Variants in DLG1 observed in about 807,000 individuals in gnomAD.
DLG1 encodes disks large homolog 1.
Under a neutral mutation model 123.4 loss-of-function variants are expected in DLG1, and 42 were observed. The observed-to-expected ratio is 0.34, with a 90% confidence interval of 0.27 to 0.44. The LOEUF (loss-of-function observed/expected upper bound fraction) is 0.44, where lower values mean the gene tolerates loss of function less well. Ranked by LOEUF, DLG1 falls within the 20% of genes least tolerant of loss-of-function variation. The pLI, the probability that DLG1 is intolerant of heterozygous loss-of-function variation, is 1.00. For missense variants in DLG1, 942 were observed against 1,082.6 expected (o/e 0.87, Z 1.82); for synonymous variants, 317 against 356.2 (o/e 0.89, Z 1.24).
Position 197,210,014 on chromosome 3 carries a change from A to C in DLG1, c.319-15425T>G, listed in dbSNP as rs1248148919. ...TCATTTGGAAATTTTCTGGACTTTT[A>C]TCTCTCCCATGGCTGATTTTAATCT... On this transcript the variant is annotated intron_variant, in intron 4 of 24. Transcript: ENST00000667157. Among the ~76,000 whole-genome samples, 4 of 146,212 alleles carry C rather than the reference A, an allele frequency of 2.7e-5. 1 individual carries two copies. The highest frequency in any genetic ancestry group is 9.7e-5 in the African/African-American group (4 of 41,130).
intron 4 of DLG1, among the ~76,000 whole-genome samples, chr3:197,209,486 T>C (rs1730255675): frequency 6.8e-6 from 1 of 146,642 alleles, no homozygotes. Flanking sequence ...ACTATACAAA[T>C]ATAAGACAAA....
chr3:197,050,095 C>T (rs1419622390), intron 24 of DLG1, among the ~76,000 whole-genome samples: 5 of 151,576 alleles, frequency 3.3e-5, no homozygotes, highest in East Asian at 2.0e-4. Context: ...AGGCCGGGCA[C>T]GGTGGCTCAC....
intron 3 of DLG1, among the ~76,000 whole-genome samples, chr3:197,288,238 C>T (rs1772792209): frequency 1.3e-5 from 2 of 151,652 alleles, no homozygotes; most frequent in Non-Finnish European, 2.9e-5. Context: ...GTGGCGCACG[C>T]CTGTAATCCC....
At chr3:197,169,108 T>A (rs918207399) in intron 5 of DLG1, among the ~76,000 whole-genome samples, 1 of 152,174 alleles carries the variant, frequency 6.6e-6, no homozygotes, top group African/African-American at 2.4e-5. Flanking sequence ...TAAAACAGAT[T>A]TTCATAAAGT....
chr3:197,069,808 A>C (rs1011004017), intron 18 of DLG1: 1 of 152,256 alleles, frequency 6.6e-6, no homozygotes, highest in African/African-American at 2.4e-5. Flanking sequence ...CAGATGTCTC[A>C]GCTGGAAGGG....
intron 5 of DLG1, among the ~76,000 whole-genome samples, chr3:197,192,252 C>T (rs1006328632): frequency 6.6e-6 from 1 of 151,904 alleles, no homozygotes; most frequent in Admixed American, 6.6e-5. Flanking sequence ...AAGTAACTCA[C>T]GAGGCTAACA....
chr3:197,070,564 C>CTTTT (rs1491200833), intron 18 of DLG1: 3 of 44,926 alleles, frequency 6.7e-5, no homozygotes, highest in African/African-American at 1.3e-4. Flanking sequence ...CTGGAAATTT[C>CTTTT]ATTTTTTTTT....
intron 11 of DLG1, among the ~76,000 whole-genome samples, chr3:197,121,655 T>C (rs1776437393): frequency 6.6e-6 from 1 of 151,984 alleles, no homozygotes; most frequent in Non-Finnish European, 1.5e-5. Flanking sequence ...GCTCTTTATC[T>C]TCTATAGTTC....
At chr3:197,204,314 A>T (rs113318237) in intron 4 of DLG1, among the ~76,000 whole-genome samples, 16 of 152,316 alleles carry the variant, frequency 1.1e-4, no homozygotes, top group African/African-American at 3.8e-4. Flanking sequence ...ATCCTATAAC[A>T]ATTGATATTA....
At chr3:197,116,781 G>A (rs1040549622) in intron 12 of DLG1, among the ~76,000 whole-genome samples, 4 of 152,098 alleles carry the variant, frequency 2.6e-5, no homozygotes, top group East Asian at 1.9e-4. Context: ...AGAGTATACC[G>A]AAGACACCAC....
intron 4 of DLG1, chr3:197,226,322 G>A (rs1739909986): frequency 6.6e-6 from 1 of 152,166 alleles, no homozygotes; most frequent in Non-Finnish European, 1.5e-5. Context: ...ACTTGCTGCA[G>A]TACAAGCTCT....
chr3:197,139,994 T>A, intron 8 of DLG1, 146 bp downstream of exon 8: 1 of 761,844 alleles, frequency 1.3e-6, no homozygotes, highest in Non-Finnish European at 2.0e-6. Flanking sequence ...AATTATCTCA[T>A]TCATTGACTT....
intron 5 of DLG1, among the ~76,000 whole-genome samples, chr3:197,189,979 T>C (rs1265962702): frequency 2.0e-5 from 3 of 152,186 alleles, no homozygotes; most frequent in African/African-American, 7.2e-5. Flanking sequence ...CTCTATAAAA[T>C]ATTTCTTTAA....
chr3:197,149,595 C>G (rs2149754177), intron 6 of DLG1, 148 bp downstream of exon 6: 1 of 612,432 alleles, frequency 1.6e-6, no homozygotes, highest in East Asian at 3.1e-5. Flanking sequence ...ACTTAATTTA[C>G]TATAGCAATT....
intron 4 of DLG1, among the ~76,000 whole-genome samples, chr3:197,206,050 G>A (rs1029204445): frequency 1.2e-4 from 18 of 152,068 alleles, no homozygotes; most frequent in African/African-American, 4.3e-4. Flanking sequence ...ATTTCCATTT[G>A]TGACGTTAAT....
intron 18 of DLG1, 75 bp downstream of exon 18, chr3:197,076,511 T>C: frequency 1.8e-6 from 2 of 1,126,452 alleles, no homozygotes; most frequent in Non-Finnish European, 2.6e-6. Context: ...ACTGTCTCCA[T>C]GGTAACAACC....
At chr3:197,222,859 G>T (rs544905384) in intron 4 of DLG1, among the ~76,000 whole-genome samples, 1 of 152,056 alleles carries the variant, frequency 6.6e-6, no homozygotes, top group Non-Finnish European at 1.5e-5. Flanking sequence ...GCATTCTGAC[G>T]GCTTCTCTTA....
At chr3:197,064,811 T>C (rs1738459565) in intron 22 of DLG1, among the ~76,000 whole-genome samples, 1 of 152,058 alleles carries the variant, frequency 6.6e-6, no homozygotes, top group Admixed American at 6.6e-5. Flanking sequence ...CTTTCTTTTT[T>C]TTTCTTTTTT....
At position 197,051,582 on chromosome 3, in the gene DLG1, A is replaced by G; in HGVS notation, c.2570T>C (p.Phe857Ser). 2.5e-6 allele frequency: 4 copies of G among 1,613,644 alleles called. No homozygotes were observed. The highest frequency in any genetic ancestry group is 3.4e-6 in the Non-Finnish European group (4 of 1,179,552). Reference protein sequence around the residue: ...MKLEQEFTEHFTAIVQGDTLE... With the variant: ...MKLEQEFTEHSTAIVQGDTLE... ...TGTTACAACACGGTTCCAACCTGTG[A>G]AATGTTCAGTAAACTCCTGTTCCAG... The change falls in exon 24 of 25, where the codon TTC becomes TCC. Residue 857 changes from phenylalanine (F) to serine (S), a missense_variant. Transcript: ENST00000667157.
Sources: allele counts gnomAD v4.1 joint callset (sites outside exome capture counted in the v4.1 genomes callset), GRCh38; gene constraint gnomAD v4.1.1; transcripts MANE v1.5; gene names NCBI Gene and HGNC (gene_info 2026-07-23, HGNC 2026-07-21).